The following EPHA6 variants were observed in gnomAD, a reference collection of about 807,000 sequenced individuals.
The protein encoded by EPHA6 is EPH receptor A6.
EPHA6 carries 50 observed loss-of-function variants against 112.0 expected under a neutral mutation model. The ratio of observed to expected loss-of-function variants is 0.45; its 90% CI spans 0.36 to 0.56. EPHA6 has a LOEUF of 0.56. EPHA6 is among the 20% of genes least tolerant of loss of function. The probability of loss-of-function intolerance (pLI) is 0.00; values close to 1 mark genes in which losing one functional copy is unlikely to be tolerated. For synonymous variants in EPHA6, 529 were observed against 490.7 expected, an observed-to-expected ratio of 1.08 and a Z score of -1.03; for missense variants, 1,280 against 1,417.4, an observed-to-expected ratio of 0.90 and a Z score of 1.56.
intron 2 of EPHA6, among the ~76,000 whole-genome samples, chr3:96,874,001 T>C (rs1050773651): frequency 6.6e-6 from 1 of 152,098 alleles, no homozygotes; most frequent in Non-Finnish European, 1.5e-5. Flanking sequence ...CCCATGGTTG[T>C]GATGACCAAA....
At chr3:97,077,520 C>T (rs2046568162) in intron 3 of EPHA6, among the ~76,000 whole-genome samples, 1 of 152,098 alleles carries the variant, frequency 6.6e-6, no homozygotes, top group Admixed American at 6.6e-5. Flanking sequence ...GGTATTTCTC[C>T]CAGTACTATC....
chr3:97,334,694 C>T (rs954293361), intron 5 of EPHA6, among the ~76,000 whole-genome samples: 4 of 151,982 alleles, frequency 2.6e-5, no homozygotes, highest in African/African-American at 9.7e-5. Flanking sequence ...AGTTAAATAG[C>T]TATCAACATG....
intron 13 of EPHA6, among the ~76,000 whole-genome samples, chr3:97,621,359 C>G (rs915696088): frequency 6.6e-6 from 1 of 151,886 alleles, no homozygotes; most frequent in Non-Finnish European, 1.5e-5. Context: ...GTACAACAAG[C>G]CCCCATGACA....
At chr3:97,279,438 C>A (rs1354688656) in intron 5 of EPHA6, among the ~76,000 whole-genome samples, 3 of 151,450 alleles carry the variant, frequency 2.0e-5, no homozygotes, top group African/African-American at 4.9e-5. Flanking sequence ...TTAAAATGAG[C>A]CATCATAAGC....
intron 14 of EPHA6, among the ~76,000 whole-genome samples, chr3:97,712,326 G>A (rs1287392630): frequency 6.6e-6 from 1 of 152,170 alleles, no homozygotes; most frequent in Non-Finnish European, 1.5e-5. Flanking sequence ...AGAGATGTTA[G>A]AGAAGAGTAC....
At chr3:97,521,607 A>G (rs999323769) in intron 10 of EPHA6, among the ~76,000 whole-genome samples, 1 of 152,124 alleles carries the variant, frequency 6.6e-6, no homozygotes, top group Non-Finnish European at 1.5e-5. Flanking sequence ...AACCACCCCC[A>G]TTATTCAATT....
intron 16 of EPHA6, among the ~76,000 whole-genome samples, chr3:97,744,731 A>T (rs2035640724): frequency 6.6e-6 from 1 of 152,000 alleles, no homozygotes; most frequent in East Asian, 1.9e-4. Flanking sequence ...AGCAATTTAC[A>T]TTTCCACTCA....
chr3:97,080,418 A>T (rs2046683290), intron 3 of EPHA6, among the ~76,000 whole-genome samples: 1 of 152,100 alleles, frequency 6.6e-6, no homozygotes, highest in Admixed American at 6.6e-5. Flanking sequence ...TCTCATCAAA[A>T]GCTGGAGAAC....
At chr3:97,702,412 G>A (rs576685039) in intron 14 of EPHA6, among the ~76,000 whole-genome samples, 2 of 152,164 alleles carry the variant, frequency 1.3e-5, no homozygotes, top group South Asian at 4.2e-4. Context: ...TAATGCTTTT[G>A]GAAACTAAGC....
Position 97,180,010 on chromosome 3 carries a change from C to T in EPHA6, c.1115-46254C>T, listed in dbSNP as rs372826705. 8.5e-4 allele frequency among the ~76,000 whole-genome samples: 130 copies of T among 152,174 alleles called. 1 individual carries two copies. Among genetic ancestry groups the T allele is most frequent in the African/African-American group, 2.9e-3 (119 of 41,516 alleles). On this transcript the variant is annotated intron_variant, in intron 3 of 17. Transcript: ENST00000389672. ...AGGTCCCCCAAATTCTGGGTTGGTC[C>T]AGATGTACTGTCTTGGAATCAGGGA...
chr3:97,399,696 A>T (rs1288927522), intron 5 of EPHA6, among the ~76,000 whole-genome samples: 1 of 151,660 alleles, frequency 6.6e-6, no homozygotes, highest in Non-Finnish European at 1.5e-5. Flanking sequence ...GATGATGAGC[A>T]TTTTTTATAT....
At chr3:96,896,528 G>T (rs976065676) in intron 2 of EPHA6, among the ~76,000 whole-genome samples, 24 of 152,054 alleles carry the variant, frequency 1.6e-4, no homozygotes, top group Non-Finnish European at 3.2e-4. Flanking sequence ...TTAGTTCTTT[G>T]CCCTGCCGTA....
chr3:97,089,083 G>A (rs576074188), intron 3 of EPHA6, among the ~76,000 whole-genome samples: 23 of 152,096 alleles, frequency 1.5e-4, no homozygotes, highest in Non-Finnish European at 2.4e-4. Context: ...GACAGAGAAA[G>A]CCAGGAGAGA....
chr3:97,545,976 G>C (rs1352093822), intron 11 of EPHA6, among the ~76,000 whole-genome samples: 1 of 152,114 alleles, frequency 6.6e-6, no homozygotes. Context: ...CATAAGATGG[G>C]TTTCCTGAAT....
At position 97,750,611 on chromosome 3, in the gene EPHA6, T is replaced by C. The variant is rs1026865438; in HGVS notation, c.*1910T>C. Among the ~76,000 whole-genome samples the C allele has an allele frequency of 9.2e-5, 14 of 152,158 alleles. No individual in the cohort carries two copies. Among genetic ancestry groups the C allele is most frequent in the African/African-American group, 3.4e-4 (14 of 41,430 alleles). ...CTCAGATGATCTGCCCGCCTCAGCCTCTCAAAGTGCTGAGATTACAGGCGT... is the reference window on the plus strand; with the variant it reads ...CTCAGATGATCTGCCCGCCTCAGCCCCTCAAAGTGCTGAGATTACAGGCGT... On this transcript the variant is annotated 3_prime_UTR_variant, in exon 18 of 18. Transcript: ENST00000389672.
intron 3 of EPHA6, among the ~76,000 whole-genome samples, chr3:97,098,342 C>A (rs989348924): frequency 1.3e-5 from 2 of 151,726 alleles, no homozygotes; most frequent in African/African-American, 4.8e-5. Context: ...TATTCAATTT[C>A]CAGGACTATT....
intron 2 of EPHA6, among the ~76,000 whole-genome samples, chr3:96,906,679 A>T (rs528638468): frequency 6.6e-6 from 1 of 152,022 alleles, no homozygotes. Flanking sequence ...GTTGTGGTCA[A>T]TGAGACTACA....
intron 1 of EPHA6, among the ~76,000 whole-genome samples, chr3:96,846,997 A>G (rs2035109647): frequency 3.3e-5 from 5 of 152,044 alleles, no homozygotes; most frequent in African/African-American, 9.7e-5. Flanking sequence ...CAATAGTAAC[A>G]GTCTGTCTTC....
chr3:97,570,961 T>C (rs1444730072), intron 11 of EPHA6, among the ~76,000 whole-genome samples: 5 of 152,028 alleles, frequency 3.3e-5, no homozygotes, highest in Non-Finnish European at 7.4e-5. Flanking sequence ...CAATAGGAAG[T>C]CATCTTCAGA....
Sources: gnomAD v4.1 joint callset for allele counts (sites outside exome capture counted in the v4.1 genomes callset) on GRCh38, gnomAD v4.1.1 for gene constraint, MANE v1.5 for transcripts, NCBI Gene and HGNC (gene_info 2026-07-23, HGNC 2026-07-21) for gene names.